FAM184B: variants seen among roughly 807,000 people sequenced by gnomAD.
The protein encoded by FAM184B is family with sequence similarity 184 member B, also known as protein FAM184B.
A neutral mutation model predicts 135.9 loss-of-function variants in FAM184B; 111 were observed. That is an observed-to-expected ratio of 0.82 (90% CI 0.70 to 0.96). The LOEUF is 0.96. Ranked by LOEUF, FAM184B falls within the 40% of genes least tolerant of loss-of-function variation. FAM184B has a pLI of 0.00. For missense variants in FAM184B, 1,375 were observed against 1,323.9 expected (o/e 1.04, Z -0.60); for synonymous variants, 552 against 524.8 (o/e 1.05, Z -0.71).
chr4:17,693,279 G>T (rs1300400990), intron 6 of FAM184B, 23 bp downstream of exon 6: 4 of 1,525,518 alleles, frequency 2.6e-6, no homozygotes, highest in East Asian at 2.5e-5. Flanking sequence ...GCACCCCAAG[G>T]CTTGCATTTG....
At chr4:17,650,198 A>G (rs1715577558) in intron 11 of FAM184B, among the ~76,000 whole-genome samples, 1 of 151,708 alleles carries the variant, frequency 6.6e-6, no homozygotes, top group South Asian at 2.1e-4. Context: ...CCATCCATCC[A>G]TCCATCCATC....
chr4:17,640,272 A>C (rs931377958), intron 13 of FAM184B, among the ~76,000 whole-genome samples: 7 of 148,118 alleles, frequency 4.7e-5, no homozygotes, highest in African/African-American at 1.7e-4. Context: ...GGAGTTCGAG[A>C]CCAGCCTGAC....
At chr4:17,763,841 T>C (rs1718597981) in intron 1 of FAM184B, among the ~76,000 whole-genome samples, 1 of 152,162 alleles carries the variant, frequency 6.6e-6, no homozygotes, top group South Asian at 2.1e-4. Context: ...GGCATGCTTT[T>C]TCAAGGGCAG....
At chr4:17,752,673 GTA>G (rs905290258) in intron 1 of FAM184B, among the ~76,000 whole-genome samples, 1 of 152,068 alleles carries the variant, frequency 6.6e-6, no homozygotes, top group Non-Finnish European at 1.5e-5. Flanking sequence ...CACAAAATTT[GTA>G]TATGTCATAT....
chr4:17,728,852 C>A (rs574245786), intron 1 of FAM184B, among the ~76,000 whole-genome samples: 1 of 152,162 alleles, frequency 6.6e-6, no homozygotes, highest in Non-Finnish European at 1.5e-5. Context: ...TCTGCATTTC[C>A]ATCTGAGGTA....
At position 17,652,813 on chromosome 4, in the gene FAM184B, C is replaced by T. The variant is rs1715661150; in HGVS notation, c.2191+17G>A. The stretch of plus-strand genomic sequence containing the variant: ...GCAGTTGGCCAGGCCCTCCTCAGTA[C>T]ACTATTGGGTGTATACCTAGCAGCA... On this transcript the variant is annotated intron_variant, in intron 11 of 17. Coordinates refer to ENST00000265018, the MANE Select transcript of FAM184B (RefSeq NM_015688.2). The T allele has an allele frequency of 1.3e-6, 2 of 1,544,974 alleles. No individual in the cohort carries two copies.
intron 1 of FAM184B, among the ~76,000 whole-genome samples, chr4:17,773,431 T>A (rs1016229186): frequency 1.3e-5 from 2 of 152,254 alleles, no homozygotes; most frequent in Non-Finnish European, 2.9e-5. Context: ...ATACTTGAGC[T>A]TGGCAGCTTC....
chr4:17,766,627 T>C (rs1718698302), intron 1 of FAM184B, among the ~76,000 whole-genome samples: 1 of 152,076 alleles, frequency 6.6e-6, no homozygotes, highest in Admixed American at 6.6e-5. Context: ...AGAGTGCTGA[T>C]TGGTGTGTTT....
At chr4:17,765,984 G>C (rs964527632) in intron 1 of FAM184B, among the ~76,000 whole-genome samples, 2 of 152,158 alleles carry the variant, frequency 1.3e-5, no homozygotes, top group African/African-American at 2.4e-5. Flanking sequence ...ATTCCCCCCG[G>C]CAGGTTCATG....
At chr4:17,750,154 T>C (rs1355758020) in intron 1 of FAM184B, among the ~76,000 whole-genome samples, 3 of 152,166 alleles carry the variant, frequency 2.0e-5, no homozygotes, top group African/African-American at 7.2e-5. Context: ...TTTTTAAGAG[T>C]CATCATACAT....
At chr4:17,648,043 A>G (rs1577245643) in intron 11 of FAM184B, among the ~76,000 whole-genome samples, 1 of 152,240 alleles carries the variant, frequency 6.6e-6, no homozygotes, top group South Asian at 2.1e-4. Flanking sequence ...TTTTAGGATG[A>G]GGGACCTGAG....
At chr4:17,682,711 C>G (rs2098153) in intron 7 of FAM184B, among the ~76,000 whole-genome samples, 81,023 of 151,820 alleles carry the variant, frequency 0.53, 23,606 homozygotes, top group East Asian at 0.82. Context: ...GTTGCTCAGG[C>G]TGGTCTTGAA....
intron 7 of FAM184B, among the ~76,000 whole-genome samples, chr4:17,681,211 T>C (rs1008375): frequency 0.56 from 84,835 of 152,090 alleles, 25,008 homozygotes; most frequent in East Asian, 0.83. Context: ...TGGGCCTTGG[T>C]TTCTCTGTAA....
At chr4:17,653,356 C>T (rs1298653409) in intron 10 of FAM184B, among the ~76,000 whole-genome samples, 1 of 152,206 alleles carries the variant, frequency 6.6e-6, no homozygotes, top group Non-Finnish European at 1.5e-5. Context: ...TATCTGACAT[C>T]TGCCCCAGGA....
chr4:17,647,252 CTTTTTT>C (rs3066609), intron 12 of FAM184B, among the ~76,000 whole-genome samples: 9 of 128,948 alleles, frequency 7.0e-5, no homozygotes, highest in African/African-American at 9.1e-5. Context: ...GAGCCCATCC[CTTTTTT>C]TTTTTTTTTT....
chr4:17,729,191 T>G (rs1449241032), intron 1 of FAM184B, among the ~76,000 whole-genome samples: 5 of 152,192 alleles, frequency 3.3e-5, no homozygotes, highest in African/African-American at 1.2e-4. Flanking sequence ...GTGGCAGCAA[T>G]GCTGGGGGAG....
chr4:17,693,217 T>G (rs1442367802), intron 6 of FAM184B, 85 bp downstream of exon 6: 8 of 1,018,638 alleles, frequency 7.9e-6, no homozygotes, highest in Non-Finnish European at 1.2e-5. Flanking sequence ...TTTTCTGTCT[T>G]CCAAAATTCT....
intron 1 of FAM184B, among the ~76,000 whole-genome samples, chr4:17,747,512 T>G (rs1207305989): frequency 6.6e-6 from 1 of 151,562 alleles, no homozygotes; most frequent in Non-Finnish European, 1.5e-5. Flanking sequence ...TAAGAAAGAG[T>G]CAGCATCAGT....
intron 1 of FAM184B, among the ~76,000 whole-genome samples, chr4:17,732,750 C>A (rs1347034811): frequency 1.3e-5 from 2 of 152,154 alleles, no homozygotes; most frequent in Non-Finnish European, 2.9e-5. Flanking sequence ...CAAATTCTAC[C>A]AGAGGTACAA....
Sources: allele counts gnomAD v4.1 joint callset (sites outside exome capture counted in the v4.1 genomes callset), GRCh38; gene constraint gnomAD v4.1.1; transcripts MANE v1.5; gene names NCBI Gene and HGNC (gene_info 2026-07-23, HGNC 2026-07-21).